SBNO2: variants seen among roughly 807,000 people sequenced by gnomAD.
SBNO2 encodes the protein strawberry notch homolog 2.
A neutral mutation model predicts 146.3 loss-of-function variants in SBNO2; 89 were observed. The observed-to-expected ratio is 0.61, with a 90% CI of 0.51 to 0.73. The LOEUF (loss-of-function observed/expected upper bound fraction) is 0.73, where lower values mean the gene tolerates loss of function less well. Among genes scored for constraint, SBNO2 ranks in the 30% least tolerant of loss-of-function variants. The pLI, the probability that SBNO2 is intolerant of heterozygous loss-of-function variation, is 0.00. For synonymous variants in SBNO2, 1,147 were observed against 892.6 expected (o/e 1.29, Z -5.08); for missense variants, 2,092 against 2,003.7 (o/e 1.04, Z -0.84).
At chr19:1,119,355 G>A (rs73507269) in intron 13 of SBNO2, among the ~76,000 whole-genome samples, 161 bp downstream of exon 13, 6,692 of 152,278 alleles carry the variant, frequency 0.044, 514 homozygotes, top group African/African-American at 0.15. Flanking sequence ...TGGCTTCCCT[G>A]GGAGTGCTGG....
chr19:1,121,632 G>T (rs2079902094), intron 11 of SBNO2, among the ~76,000 whole-genome samples: 1 of 152,168 alleles, frequency 6.6e-6, no homozygotes, highest in Non-Finnish European at 1.5e-5. Context: ...CTGTGGGGGA[G>T]CCCCTCCGAA....
At chr19:1,137,203 TGG>T (rs2080092636) in intron 4 of SBNO2, among the ~76,000 whole-genome samples, 1 of 88,614 alleles carries the variant, frequency 1.1e-5, no homozygotes. Flanking sequence ...TGGGGGAGGC[TGG>T]CACTGGGGTG....
rs773356140 is a variant in SBNO2, at chr19:1,123,648, G to A, written c.523-9C>T. On this transcript the variant is annotated splice_polypyrimidine_tract_variant and intron_variant, in intron 6 of 31. Coordinates refer to ENST00000361757, the MANE Select transcript of SBNO2 (RefSeq NM_014963.3). Reference sequence around the variant, plus strand: ...CTCTGCACACTCTGCTCCTGCGTGCGTGGCGGGAGCTCAGCGGAGACTGCA... The same window carrying A: ...CTCTGCACACTCTGCTCCTGCGTGCATGGCGGGAGCTCAGCGGAGACTGCA... 2.6e-5 allele frequency: 42 copies of A among 1,606,118 alleles called. No individual in the cohort carries two copies. The highest frequency in any genetic ancestry group is 3.5e-5 in the Non-Finnish European group (41 of 1,176,370).
Position 1,166,327 on chromosome 19 carries a change from C to T in SBNO2, c.-127+7845G>A, listed in dbSNP as rs894684110. On this transcript the variant is annotated intron_variant, in intron 1 of 31. Transcript: ENST00000361757. ...TGCTTATGCGGAAACAGCCTCCAGG[C>T]CGGGCTGCGGGGCTCCAAAGCAGGG... Among the ~76,000 whole-genome samples, 281 of 152,190 alleles carry T rather than the reference C, an allele frequency of 1.8e-3. 1 individual carries two copies. Among genetic ancestry groups the T allele is most frequent in the African/African-American group, 6.7e-3 (278 of 41,506 alleles).
intron 13 of SBNO2, 78 bp downstream of exon 13, chr19:1,119,438 C>A: frequency 8.5e-7 from 1 of 1,174,530 alleles, no homozygotes. Context: ...CGTGGCAGTG[C>A]CAGGCCTTGG....
intron 4 of SBNO2, among the ~76,000 whole-genome samples, chr19:1,133,656 G>A (rs2080057248): frequency 6.6e-6 from 1 of 152,210 alleles, no homozygotes; most frequent in South Asian, 2.1e-4. Flanking sequence ...GCCCGCCAAT[G>A]GAAAACAACC....
At chr19:1,164,914 G>A (rs1470366391) in intron 1 of SBNO2, among the ~76,000 whole-genome samples, 4 of 124,304 alleles carry the variant, frequency 3.2e-5, no homozygotes, top group African/African-American at 1.1e-4. Context: ...AGGAGGCACA[G>A]GAGGAGGAGG....
Position 1,122,766 on chromosome 19 carries a change from C to T in SBNO2, c.806G>A (p.Gly269Glu). 1 of 1,537,810 alleles carries T rather than the reference C, an allele frequency of 6.5e-7. No individual in the cohort carries two copies. The highest frequency in any genetic ancestry group is 8.7e-7 in the Non-Finnish European group (1 of 1,146,506). ...CQQHEVLLPS[G>E]QRAGFLIGDG... ...GCCGATGAGAAAGCCCGCGCGCTGC[C>T]CGCTGGGGAGCAGGACCTCGTGTTG... The change falls in exon 9 of 32, where the codon GGG (glycine) becomes GAG (glutamate). Residue 269 changes from glycine (G) to glutamate (E), a missense_variant. Coordinates refer to ENST00000361757, the MANE Select transcript of SBNO2 (RefSeq NM_014963.3).
chr19:1,133,229 C>T (rs932599956), intron 4 of SBNO2, among the ~76,000 whole-genome samples: 1 of 150,876 alleles, frequency 6.6e-6, no homozygotes, highest in African/African-American at 2.5e-5. Flanking sequence ...CACGAGACCG[C>T]GGCCGAGACC....
intron 14 of SBNO2, among the ~76,000 whole-genome samples, chr19:1,118,102 G>A (rs187698192): frequency 1.7e-3 from 264 of 152,348 alleles, no homozygotes; most frequent in African/African-American, 5.5e-3. Context: ...TTGGGAGGCT[G>A]AGGCGGTCAG....
Position 1,144,243 on chromosome 19 carries a change from C to A in SBNO2, c.279+3066G>T, listed in dbSNP as rs1285143793. The stretch of plus-strand genomic sequence containing the variant: ...AGGACTGAGCTGACCCACACCCGTC[C>A]CATCCCACACTCAGCACTGGGGGAC... On this transcript the variant is annotated intron_variant, in intron 4 of 31. Transcript: ENST00000361757. This position sits in a 1 kb window ranked among gnomAD's most constrained non-coding sequence, Gnocchi z 4.1. 6.6e-6 allele frequency among the ~76,000 whole-genome samples: 1 copy of A among 151,928 alleles called. No individual in the cohort carries two copies. Among genetic ancestry groups the A allele is most frequent in the East Asian group, 1.9e-4 (1 of 5,172 alleles).
Position 1,128,204 on chromosome 19 carries a change from G to A in SBNO2, c.280-439C>T, listed in dbSNP as rs138943146. The A allele has an allele frequency of 1.2e-4, 59 of 497,016 alleles. No homozygotes were observed. In the East Asian group the frequency reaches 2.8e-3, roughly 24 times the overall value. The allele number at this position is 497,016 out of a possible 1,614,324, so 30.8% of individuals were successfully genotyped here. A position where few individuals can be genotyped will look rare whatever the true frequency, so the allele number is the denominator to read the frequency against. On this transcript the variant is annotated intron_variant, in intron 4 of 31. Transcript: ENST00000361757. ...AACCCTCAGGGCCACGCAGGACGGC[G>A]TCTGACTTCTGCAGCACCTGAAGGG...
chr19:1,114,562 A>G (rs1227704513), intron 17 of SBNO2, 140 bp from the exon 18 acceptor site: 1 of 682,468 alleles, frequency 1.5e-6, no homozygotes, highest in South Asian at 2.4e-5. Context: ...CTGGGCAAGC[A>G]GCTCAGCTGT....
rs1568550729 is a variant in SBNO2 at position 1,110,005 on chromosome 19, G to A, written c.3029-228C>T. 6.6e-6 allele frequency among the ~76,000 whole-genome samples: 1 copy of A among 151,394 alleles called. No individual in the cohort carries two copies. Among genetic ancestry groups the A allele is most frequent in the African/African-American group, 2.4e-5 (1 of 41,004 alleles). On this transcript the variant is annotated intron_variant, in intron 26 of 31. Transcript: ENST00000361757. The surrounding 1 kb of genome is among the most constrained non-coding windows in gnomAD (Gnocchi z 4.9). ...CCCCGAGCAGGCTGTGGGGGATCGTGGGAGCCTGGGGGCCGCTCAGGTCCT... is the reference window on the plus strand; with the variant it reads ...CCCCGAGCAGGCTGTGGGGGATCGTAGGAGCCTGGGGGCCGCTCAGGTCCT...
chr19:1,123,815 A>G (rs2145229241), intron 6 of SBNO2, 127 bp downstream of exon 6: 11 of 1,118,962 alleles, frequency 9.8e-6, no homozygotes, highest in Non-Finnish European at 1.4e-5. Flanking sequence ...CTCCTCAGCT[A>G]TAAAATGGGC....
At chr19:1,153,761 C>T (rs996436494) in intron 2 of SBNO2, among the ~76,000 whole-genome samples, 13 of 152,210 alleles carry the variant, frequency 8.5e-5, no homozygotes, top group Non-Finnish European at 1.9e-4. Context: ...TGGTCTTGAA[C>T]TCGGGACCTC....
Position 1,108,213 on chromosome 19 carries a change from A to G in SBNO2, c.*7T>C, listed in dbSNP as rs899432288. The G allele has an allele frequency of 8.5e-6, 13 of 1,525,902 alleles. No individual in the cohort carries two copies. Among genetic ancestry groups the G allele is most frequent in the Non-Finnish European group, 1.1e-5 (12 of 1,134,486 alleles). 94.5% of individuals were successfully genotyped at this position (1,525,902 alleles called of 1,614,324 possible). On this transcript the variant is annotated 3_prime_UTR_variant, in exon 32 of 32. Coordinates refer to ENST00000361757, the MANE Select transcript of SBNO2 (RefSeq NM_014963.3). ...GTGTCTTGGGGCATGTTTCGCCTAA[A>G]GGCGTGTCAGAGAGGAGCCTGGGCG...
chr19:1,112,424 G>T lies in SBNO2; in HGVS notation c.2493C>A (p.Ala831=). ...CACCGAACTGCTGGATGGCGCGGTC[G>T]GCGCTCCACGGCAGCTCCAAGGTCA... ...VHMTLELPWS[A]DRAIQQFGRT... The change falls in exon 21 of 32, where the codon GCC becomes GCA. Residue 831 remains alanine, a synonymous_variant. Transcript: ENST00000361757. The surrounding 1 kb of genome is among the most constrained non-coding windows in gnomAD (Gnocchi z 5.9). 8 of 1,605,312 alleles carry T rather than the reference G, an allele frequency of 5.0e-6. No homozygotes were observed. Among genetic ancestry groups the T allele is most frequent in the Non-Finnish European group, 6.8e-6 (8 of 1,178,192 alleles).
chr19:1,110,983 C>G lies in SBNO2; in HGVS notation c.2884+36G>C. On this transcript the variant is annotated intron_variant, in intron 25 of 31. Transcript: ENST00000361757. The surrounding 1 kb of genome is among the most constrained non-coding windows in gnomAD (Gnocchi z 4.9). ...GGCCAAGGTTGCATGAGATGAGAGA[C>G]AGGAGCGCCTCTGGGCCTGGGTGTG... The G allele has an allele frequency of 6.2e-7, 1 of 1,604,698 alleles. No homozygotes were observed. Among genetic ancestry groups the G allele is most frequent in the Non-Finnish European group, 8.5e-7 (1 of 1,175,750 alleles).
Sources: gnomAD v4.1 joint callset for allele counts (sites outside exome capture counted in the v4.1 genomes callset) on GRCh38, gnomAD v4.1.1 for gene constraint, Gnocchi (gnomAD v3.1) non-coding constraint, MANE v1.5 for transcripts, NCBI Gene and HGNC (gene_info 2026-07-23, HGNC 2026-07-21) for gene names.